The following ANKRD11 variants were observed in gnomAD, a reference collection of about 807,000 sequenced individuals.
The protein encoded by ANKRD11 is ankyrin repeat domain-containing protein 11.
A neutral mutation model predicts 195.7 loss-of-function variants in ANKRD11; 17 were observed. The observed-to-expected ratio is 0.09, with a 90% CI of 0.06 to 0.13. The LOEUF (loss-of-function observed/expected upper bound fraction) is 0.13. Among genes scored for constraint, ANKRD11 ranks in the 10% least tolerant of loss-of-function variants. ANKRD11 has a pLI of 1.00. For synonymous variants in ANKRD11, 1,953 were observed against 1,528.1 expected (o/e 1.28, Z -6.49); for missense variants, 3,735 against 3,566.1 (o/e 1.05, Z -1.21).
chr16:89,442,695 C>G (rs535387948), intron 1 of ANKRD11, among the ~76,000 whole-genome samples: 1 of 152,220 alleles, frequency 6.6e-6, no homozygotes, highest in African/African-American at 2.4e-5. Flanking sequence ...GTCCTTTCCT[C>G]CCCACCACCC....
chr16:89,334,746 T>C (rs1378267070), intron 2 of ANKRD11, among the ~76,000 whole-genome samples: 1 of 152,030 alleles, frequency 6.6e-6, no homozygotes, highest in Admixed American at 6.6e-5. Context: ...CCACACTCAC[T>C]TGTGCAAAAC....
At chr16:89,463,095 G>T (rs1389612015) in intron 1 of ANKRD11, among the ~76,000 whole-genome samples, 2 of 150,972 alleles carry the variant, frequency 1.3e-5, no homozygotes, top group Admixed American at 1.3e-4. Context: ...CCCGGGAGGT[G>T]AGGGGCGCCT....
At chr16:89,375,822 G>C (rs2040401231) in intron 2 of ANKRD11, among the ~76,000 whole-genome samples, 3 of 143,988 alleles carry the variant, frequency 2.1e-5, no homozygotes, top group African/African-American at 7.7e-5. Context: ...TTTTCATTGT[G>C]TTTACTCAAT....
rs141459333 is a variant in ANKRD11 at position 89,323,870 on chromosome 16, C to T, written c.-59-6792G>A. 6.2e-3 allele frequency: 1,365 copies of T among 218,744 alleles called. 15 individuals carry two copies. Among genetic ancestry groups the T allele is most frequent in the South Asian group, 0.033 (526 of 15,884 alleles). The allele number at this position is 218,744 out of a possible 1,614,324, so 13.6% of individuals were successfully genotyped here. A position where few individuals can be genotyped will look rare whatever the true frequency, so the allele number is the denominator to read the frequency against. On this transcript the variant is annotated intron_variant, in intron 2 of 12. Coordinates refer to ENST00000301030, the MANE Select transcript of ANKRD11 (RefSeq NM_013275.6). Reference sequence around the variant, plus strand: ...CTCCTAACATGGGTGTCCTCCGTCTCACCCCATAAGCCACACTGGCCAAGG... The same window carrying T: ...CTCCTAACATGGGTGTCCTCCGTCTTACCCCATAAGCCACACTGGCCAAGG...
At chr16:89,366,071 A>G (rs2039935226) in intron 2 of ANKRD11, among the ~76,000 whole-genome samples, 1 of 147,218 alleles carries the variant, frequency 6.8e-6, no homozygotes, top group Non-Finnish European at 1.5e-5. Context: ...TGGAGGTTGC[A>G]GTGAGCTAAA....
rs2034382319 is a variant in ANKRD11, at chr16:89,282,921, C to G, written c.3621G>C (p.Glu1207Asp). ...KKEKVFEKHKEKKDKESTEKY... is the reference protein window; with the variant it reads ...KKEKVFEKHKDKKDKESTEKY... ...TTTCTGTGGACTCTTTATCCTTCTT[C>G]TCCTTGTGCTTTTCAAAGACTTTCT... The change falls in exon 9 of 13, where the codon GAG becomes GAC. Residue 1207 changes from glutamate to aspartate, a missense_variant. Physicochemically the swap from Glu to Asp is conservative, Grantham distance 45 (BLOSUM62 2). Coordinates refer to ENST00000301030, the MANE Select transcript of ANKRD11 (RefSeq NM_013275.6). The G allele has an allele frequency of 3.1e-6, 5 of 1,613,224 alleles. No homozygotes were observed. The highest frequency in any genetic ancestry group is 4.2e-6 in the Non-Finnish European group (5 of 1,179,962).
At chr16:89,287,710 G>C (rs575159409) in intron 7 of ANKRD11, 1 of 163,226 alleles carries the variant, frequency 6.1e-6, no homozygotes, top group South Asian at 1.9e-4. Context: ...TCAGTGTTCT[G>C]AGTTCCCTGC....
At chr16:89,326,284 C>T (rs1005872480) in intron 2 of ANKRD11, among the ~76,000 whole-genome samples, 2 of 152,118 alleles carry the variant, frequency 1.3e-5, no homozygotes, top group East Asian at 3.9e-4. Context: ...GAGAGAAACA[C>T]GCAGGGAAGA....
chr16:89,332,662 CACA>C (rs2038127171), intron 2 of ANKRD11, among the ~76,000 whole-genome samples: 1 of 152,206 alleles, frequency 6.6e-6, no homozygotes, highest in Non-Finnish European at 1.5e-5. Flanking sequence ...AAACGACAAA[CACA>C]ACGAGAGAGG....
At chr16:89,315,895 A>T (rs1161427378) in intron 3 of ANKRD11, among the ~76,000 whole-genome samples, 1 of 151,982 alleles carries the variant, frequency 6.6e-6, no homozygotes, top group Non-Finnish European at 1.5e-5. Flanking sequence ...ATGAGCAGAG[A>T]GGCTGCAGCA....
chr16:89,428,841 C>T (rs2042843720), intron 1 of ANKRD11, among the ~76,000 whole-genome samples: 1 of 152,120 alleles, frequency 6.6e-6, no homozygotes, highest in Non-Finnish European at 1.5e-5. Context: ...TTGCAGTAAG[C>T]CAAGATCGTG....
At chr16:89,369,494 G>GT (rs1567710359) in intron 2 of ANKRD11, among the ~76,000 whole-genome samples, 2 of 152,226 alleles carry the variant, frequency 1.3e-5, no homozygotes, top group Admixed American at 1.3e-4. Flanking sequence ...AAGCTCTGCC[G>GT]TATCAGACAC....
intron 1 of ANKRD11, among the ~76,000 whole-genome samples, chr16:89,461,439 C>T (rs1303631416): frequency 6.6e-6 from 1 of 152,108 alleles, no homozygotes; most frequent in Admixed American, 6.6e-5. Flanking sequence ...TACTGCTGGG[C>T]TCAGGGAATC....
At chr16:89,403,322 G>C (rs1259246157) in intron 2 of ANKRD11, among the ~76,000 whole-genome samples, 1 of 152,066 alleles carries the variant, frequency 6.6e-6, no homozygotes, top group Non-Finnish European at 1.5e-5. Context: ...CCTCCTGACC[G>C]GCCCCTCCTG....
intron 1 of ANKRD11, among the ~76,000 whole-genome samples, chr16:89,478,011 T>C: frequency 6.6e-6 from 1 of 152,234 alleles, no homozygotes; most frequent in South Asian, 2.1e-4. Context: ...TCTTGGTATG[T>C]ATTCTTTCTA....
chr16:89,283,631 C>A lies in ANKRD11; in HGVS notation c.2911G>T (p.Ala971Ser). 1 of 1,610,470 alleles carries A rather than the reference C, an allele frequency of 6.2e-7. No individual in the cohort carries two copies. Among genetic ancestry groups the A allele is most frequent in the Non-Finnish European group, 8.5e-7 (1 of 1,179,842 alleles). Residue 971 changes from alanine to serine, a missense_variant, in exon 9 of 13, where the codon GCG becomes TCG. Transcript: ENST00000301030. The surrounding 1 kb of genome is among the most constrained non-coding windows in gnomAD (Gnocchi z 4.3). Reference protein sequence around the residue: ...RRDGRAKPEEAHREELKECGC... With the variant: ...RRDGRAKPEESHREELKECGC... ...CACTCCTTCAGCTCCTCCCGGTGCG[C>A]CTCCTCGGGCTTGGCCCTGCCGTCC...
At chr16:89,319,374 A>C (rs2037162985) in intron 2 of ANKRD11, among the ~76,000 whole-genome samples, 1 of 152,206 alleles carries the variant, frequency 6.6e-6, no homozygotes, top group Admixed American at 6.5e-5. Context: ...CAGGAGGTGG[A>C]GGAAGTGGGT....
chr16:89,471,915 G>A (rs947358481), intron 1 of ANKRD11, among the ~76,000 whole-genome samples: 11 of 151,680 alleles, frequency 7.3e-5, no homozygotes, highest in Non-Finnish European at 1.2e-4. Context: ...ACCAGGTCCT[G>A]AACATCAGGG....
chr16:89,407,857 A>G (rs2041971113), intron 2 of ANKRD11, among the ~76,000 whole-genome samples: 1 of 140,276 alleles, frequency 7.1e-6, no homozygotes, highest in African/African-American at 2.9e-5. Flanking sequence ...CCCTCCAAAA[A>G]AAAAAAAAAA....
Sources: gnomAD v4.1 joint callset for allele counts (sites outside exome capture counted in the v4.1 genomes callset) on GRCh38, gnomAD v4.1.1 for gene constraint, Gnocchi (gnomAD v3.1) non-coding constraint, MANE v1.5 for transcripts, NCBI Gene and HGNC (gene_info 2026-07-23, HGNC 2026-07-21) for gene names.